EHD4: variants seen among roughly 807,000 people sequenced by gnomAD.
EHD4 encodes the protein EH domain containing 4.
Under a neutral mutation model 51.0 loss-of-function variants are expected in EHD4, and 37 were observed. That is an observed-to-expected ratio of 0.73 (90% CI 0.56 to 0.95). The LOEUF (loss-of-function observed/expected upper bound fraction) is 0.95, where lower values mean the gene tolerates loss of function less well. Among genes scored for constraint, EHD4 ranks in the 40% least tolerant of loss-of-function variants. The pLI, the probability that EHD4 is intolerant of heterozygous loss-of-function variation, is 0.00. For synonymous variants in EHD4, 297 were observed against 317.3 expected (o/e 0.94, Z 0.68); for missense variants, 632 against 733.1 (o/e 0.86, Z 1.59).
At chr15:41,906,103 T>C (rs191400076) in intron 5 of EHD4, among the ~76,000 whole-genome samples, 1 of 152,328 alleles carries the variant, frequency 6.6e-6, no homozygotes, top group Admixed American at 6.5e-5. Context: ...AAAGGCAGTT[T>C]AAAGCCTGCA....
intron 5 of EHD4, chr15:41,908,804 A>G (rs1165950210): frequency 6.6e-6 from 1 of 152,222 alleles, no homozygotes; most frequent in Admixed American, 6.5e-5. Context: ...CTTCTTCTCT[A>G]TCAAACGTGG....
chr15:41,972,230 G>T, intron 1 of EHD4, 29 bp downstream of exon 1: 1 of 1,511,302 alleles, frequency 6.6e-7, no homozygotes, highest in Non-Finnish European at 8.9e-7. Context: ...GGAGCGGGGC[G>T]GGAGCCGGGC....
chr15:41,963,296 TAAAA>T (rs35077069), intron 1 of EHD4, among the ~76,000 whole-genome samples: 1 of 126,968 alleles, frequency 7.9e-6, no homozygotes, highest in Non-Finnish European at 1.6e-5. Context: ...CAATAAATAC[TAAAA>T]AAAAAAAAAA....
intron 5 of EHD4, among the ~76,000 whole-genome samples, chr15:41,903,621 C>A (rs1401718365): frequency 6.6e-6 from 1 of 152,072 alleles, no homozygotes; most frequent in African/African-American, 2.4e-5. Context: ...TCTTAATTAA[C>A]CCTGTCCCCT....
chr15:41,906,966 C>T (rs537060801), intron 5 of EHD4, among the ~76,000 whole-genome samples: 1 of 152,356 alleles, frequency 6.6e-6, no homozygotes, highest in Middle Eastern at 3.4e-3. Context: ...GCCATGGCTG[C>T]TCCTGAGATC....
chr15:41,912,521 C>G (rs1410428652), intron 4 of EHD4, among the ~76,000 whole-genome samples: 1 of 151,936 alleles, frequency 6.6e-6, no homozygotes, highest in East Asian at 1.9e-4. Context: ...GTGGTGAAAC[C>G]CTGTCTCTAC....
intron 5 of EHD4, among the ~76,000 whole-genome samples, chr15:41,902,935 C>T (rs952418742): frequency 2.0e-5 from 3 of 150,274 alleles, no homozygotes; most frequent in Admixed American, 2.0e-4. Flanking sequence ...GCTCAGTTGC[C>T]CAGGGGGACC....
intron 2 of EHD4, among the ~76,000 whole-genome samples, chr15:41,945,233 C>T (rs2067803866): frequency 6.6e-6 from 1 of 152,210 alleles, no homozygotes; most frequent in South Asian, 2.1e-4. Context: ...AAACCACAAG[C>T]TCACACTCAA....
At chr15:41,902,778 T>C (rs2067485862) in intron 5 of EHD4, among the ~76,000 whole-genome samples, 3 of 149,012 alleles carry the variant, frequency 2.0e-5, no homozygotes, top group African/African-American at 7.4e-5. Flanking sequence ...TGTATGTGTG[T>C]ATATATATGT....
At chr15:41,942,887 C>T (rs2067783902) in intron 3 of EHD4, 180 bp downstream of exon 3, 1 of 564,732 alleles carries the variant, frequency 1.8e-6, no homozygotes, top group East Asian at 3.0e-5. Flanking sequence ...AGAATATAAG[C>T]CTCTGGAGGG....
At chr15:41,967,011 C>A (rs2067965903) in intron 1 of EHD4, among the ~76,000 whole-genome samples, 2 of 152,186 alleles carry the variant, frequency 1.3e-5, no homozygotes, top group Admixed American at 6.5e-5. Flanking sequence ...GAGCTCCAGA[C>A]CCATGTCTTA....
At chr15:41,938,044 T>C (rs918899208) in intron 3 of EHD4, among the ~76,000 whole-genome samples, 3 of 152,360 alleles carry the variant, frequency 2.0e-5, no homozygotes, top group Middle Eastern at 3.4e-3. Flanking sequence ...AAGGTAATTT[T>C]ACAGAACATT....
chr15:41,939,982 A>AT (rs574725320), intron 3 of EHD4, among the ~76,000 whole-genome samples: 242 of 147,740 alleles, frequency 1.6e-3, no homozygotes, highest in Middle Eastern at 3.5e-3. Context: ...AATGCTATGT[A>AT]TTTTTTTTTT....
In EHD4 at chr15:41,898,022, A is replaced by C. The variant is rs947585513; in HGVS notation, c.*2623T>G. On this transcript the variant is annotated 3_prime_UTR_variant, in exon 6 of 6. Coordinates refer to ENST00000220325, the MANE Select transcript of EHD4 (RefSeq NM_139265.4). ...ACAGAACTTTGTACTGGTCCTGGGA[A>C]GATACAAGTCCTCACTTGGTCGCCA... The C allele has an allele frequency of 6.6e-6, 1 of 152,232 alleles. No individual in the cohort carries two copies. The highest frequency in any genetic ancestry group is 1.5e-5 in the Non-Finnish European group (1 of 68,032). The allele number at this position is 152,232 out of a possible 1,614,324, so 9.4% of individuals were successfully genotyped here. A position where few individuals can be genotyped will look rare whatever the true frequency, so the allele number is the denominator to read the frequency against.
chr15:41,913,776 T>C (rs2067565002), intron 4 of EHD4, among the ~76,000 whole-genome samples: 1 of 152,224 alleles, frequency 6.6e-6, no homozygotes, highest in Non-Finnish European at 1.5e-5. Context: ...GGGTTCCAAG[T>C]GTTTAATTTA....
At chr15:41,907,718 C>T (rs2067521515) in intron 5 of EHD4, among the ~76,000 whole-genome samples, 1 of 151,944 alleles carries the variant, frequency 6.6e-6, no homozygotes, top group African/African-American at 2.4e-5. Context: ...GACGGGGTTT[C>T]ACTACGTTGC....
intron 2 of EHD4, among the ~76,000 whole-genome samples, chr15:41,946,561 T>C (rs4244586): frequency 6.6e-6 from 1 of 151,878 alleles, no homozygotes; most frequent in Non-Finnish European, 1.5e-5. Context: ...AGACTTCGTC[T>C]CTACAAAAAA....
intron 4 of EHD4, among the ~76,000 whole-genome samples, chr15:41,915,151 T>C (rs2067575691): frequency 1.3e-5 from 2 of 152,130 alleles, no homozygotes; most frequent in Admixed American, 1.3e-4. Context: ...AGTGTAAGTG[T>C]GAACTACATA....
chr15:41,948,447 C>T (rs763987059), intron 2 of EHD4, among the ~76,000 whole-genome samples: 7 of 151,990 alleles, frequency 4.6e-5, no homozygotes, highest in Non-Finnish European at 7.4e-5. Flanking sequence ...TGTGAGCCAC[C>T]GTGGCTGGCC....
Sources: gnomAD v4.1 joint callset for allele counts (sites outside exome capture counted in the v4.1 genomes callset) on GRCh38, gnomAD v4.1.1 for gene constraint, MANE v1.5 for transcripts, NCBI Gene and HGNC (gene_info 2026-07-23, HGNC 2026-07-21) for gene names.